Variants in SLC44A1 observed in about 807,000 individuals in gnomAD.
SLC44A1 encodes choline transporter-like protein 1.
SLC44A1 carries 26 observed loss-of-function variants against 79.3 expected under a neutral mutation model. The ratio of observed to expected loss-of-function variants is 0.33; its 90% CI spans 0.24 to 0.46. The LOEUF (loss-of-function observed/expected upper bound fraction) is 0.46, where lower values mean the gene tolerates loss of function less well. SLC44A1 is among the 20% of genes least tolerant of loss of function. The pLI is 1.00. For missense variants in SLC44A1, 688 were observed against 798.1 expected (o/e 0.86, Z 1.66); for synonymous variants, 263 against 286.2 (o/e 0.92, Z 0.82).
At chr9:105,374,829 T>A in intron 13 of SLC44A1, 94 bp downstream of exon 13, 2 of 949,782 alleles carry the variant, frequency 2.1e-6, no homozygotes, top group Non-Finnish European at 3.3e-6. Context: ...ACCAAAAAAC[T>A]AAAAGTAATA....
At chr9:105,325,445 A>C (rs1312539976) in intron 3 of SLC44A1, among the ~76,000 whole-genome samples, 1 of 152,184 alleles carries the variant, frequency 6.6e-6, no homozygotes, top group African/African-American at 2.4e-5. Flanking sequence ...TATTTCTTAT[A>C]ATTATGGAGG....
At chr9:105,410,399 C>T (rs527366742) in intron 15 of SLC44A1, among the ~76,000 whole-genome samples, 1 of 152,190 alleles carries the variant, frequency 6.6e-6, no homozygotes, top group Non-Finnish European at 1.5e-5. Context: ...AAATAAACAA[C>T]CCATAACGAG....
intron 13 of SLC44A1, among the ~76,000 whole-genome samples, chr9:105,380,536 C>G (rs943806369): frequency 6.6e-6 from 1 of 151,878 alleles, no homozygotes; most frequent in Non-Finnish European, 1.5e-5. Flanking sequence ...AGTTTGATCA[C>G]AGTTGTTCAA....
Position 105,396,889 on chromosome 9 carries a change from A to C in SLC44A1, c.*7833A>C. 1.0e-6 allele frequency: 1 copy of C among 985,244 alleles called. No homozygotes were observed. Among genetic ancestry groups the C allele is most frequent in the Non-Finnish European group, 1.2e-6 (1 of 829,824 alleles). 61.0% of individuals were successfully genotyped at this position (985,244 alleles called of 1,614,324 possible). On this transcript the variant is annotated 3_prime_UTR_variant, in exon 16 of 16. Coordinates refer to ENST00000374720, the MANE Select transcript of SLC44A1 (RefSeq NM_080546.5). ...TTATTTTGGATTTTTTTCTTATTAC[A>C]GTGTCACTACACTGTATTCATGTGG...
Position 105,281,692 on chromosome 9 carries a change from A to G in SLC44A1, c.37-17528A>G, listed in dbSNP as rs187076347. 1.1e-3 allele frequency among the ~76,000 whole-genome samples: 161 copies of G among 152,300 alleles called. 1 individual carries two copies. Among genetic ancestry groups the G allele is most frequent in the African/African-American group, 3.8e-3 (157 of 41,548 alleles). Reference sequence around the variant, plus strand: ...TACAGTGGATGACTACTAGCTGGTCATTTCGTAACCCAGGCTTACATGTGC... The same window carrying G: ...TACAGTGGATGACTACTAGCTGGTCGTTTCGTAACCCAGGCTTACATGTGC... On this transcript the variant is annotated intron_variant, in intron 1 of 15. Transcript: ENST00000374720.
At chr9:105,323,975 G>C (rs1318630609) in intron 3 of SLC44A1, among the ~76,000 whole-genome samples, 2 of 151,932 alleles carry the variant, frequency 1.3e-5, no homozygotes, top group East Asian at 3.9e-4. Flanking sequence ...TTTGACTCCT[G>C]TACTTTCTCC....
At chr9:105,253,271 CCAG>C (rs1829630537) in intron 1 of SLC44A1, among the ~76,000 whole-genome samples, 1 of 152,018 alleles carries the variant, frequency 6.6e-6, no homozygotes, top group African/African-American at 2.4e-5. Context: ...AGTAAAAAAA[CCAG>C]CAGGAAGATG....
At chr9:105,323,134 T>G (rs556139562) in intron 3 of SLC44A1, among the ~76,000 whole-genome samples, 47 of 147,756 alleles carry the variant, frequency 3.2e-4, no homozygotes, top group African/African-American at 1.1e-3. Flanking sequence ...GAGAATTGCT[T>G]GAACCCAGGA....
rs1020934020 is a variant in SLC44A1 at position 105,395,230 on chromosome 9, G to GT, written c.*6181dup. On this transcript the variant is annotated 3_prime_UTR_variant, in exon 16 of 16. Transcript: ENST00000374720. Reference sequence around the variant, plus strand: ...GGGGTTTTTTTTGTTTGTTTTTGGTGTTTTTTTGAGACGGAGTCTCGCTCT... The same window carrying GT: ...GGGGTTTTTTTTGTTTGTTTTTGGTGTTTTTTTTGAGACGGAGTCTCGCTCT... 20 of 972,760 alleles carry GT rather than the reference G, an allele frequency of 2.1e-5. No individual in the cohort carries two copies. The highest frequency in any genetic ancestry group is 2.3e-4 in the East Asian group (2 of 8,748). The allele number at this position is 972,760 out of a possible 1,614,324, so 60.3% of individuals were successfully genotyped here.
intron 15 of SLC44A1, among the ~76,000 whole-genome samples, chr9:105,419,138 A>C (rs10117788): frequency 0.017 from 2,519 of 152,298 alleles, 51 homozygotes; most frequent in African/African-American, 0.057. Context: ...TAGAGTTAGC[A>C]TAGAGACATA....
At chr9:105,314,076 T>C (rs1044151350) in intron 3 of SLC44A1, among the ~76,000 whole-genome samples, 10 of 152,266 alleles carry the variant, frequency 6.6e-5, no homozygotes, top group Admixed American at 5.9e-4. Context: ...ATTACTAATA[T>C]TGTTATTATT....
At position 105,396,030 on chromosome 9, in the gene SLC44A1, T is replaced by A; in HGVS notation, c.*6974T>A. ...TCCCCCATCCTCTAGGTTCCTGTAG[T>A]CTGTGCTCAGAACTTGGTTTTTGGC... On this transcript the variant is annotated 3_prime_UTR_variant, in exon 16 of 16. Transcript: ENST00000374720. The A allele has an allele frequency of 1.0e-6, 1 of 985,374 alleles. No homozygotes were observed. Among genetic ancestry groups the A allele is most frequent in the African/African-American group, 1.7e-5 (1 of 57,340 alleles). 61.0% of individuals were successfully genotyped at this position (985,374 alleles called of 1,614,324 possible).
intron 2 of SLC44A1, among the ~76,000 whole-genome samples, chr9:105,309,480 A>G (rs574683348): frequency 5.3e-5 from 8 of 152,306 alleles, no homozygotes; most frequent in Admixed American, 2.0e-4. Context: ...TATAAAATTC[A>G]AAGTTGACCT....
chr9:105,363,508 A>G (rs1827847345), intron 9 of SLC44A1, among the ~76,000 whole-genome samples: 1 of 150,528 alleles, frequency 6.6e-6, no homozygotes, highest in Non-Finnish European at 1.5e-5. Context: ...TCTGTCACAC[A>G]AACTGGAGTG....
At chr9:105,348,293 A>T in intron 4 of SLC44A1, 65 bp from the exon 5 acceptor site, 1 of 833,406 alleles carries the variant, frequency 1.2e-6, no homozygotes, top group Non-Finnish European at 2.0e-6. Context: ...ATACAAAATT[A>T]AAATGAATAG....
At chr9:105,403,568 T>C (rs1392247501) in intron 15 of SLC44A1, among the ~76,000 whole-genome samples, 2 of 150,704 alleles carry the variant, frequency 1.3e-5, no homozygotes, top group Non-Finnish European at 2.9e-5. Context: ...AATACCAGAA[T>C]AAGAGACCCA....
intron 1 of SLC44A1, among the ~76,000 whole-genome samples, chr9:105,245,984 TGTG>T (rs1054814977): frequency 1.3e-5 from 2 of 152,210 alleles, no homozygotes; most frequent in African/African-American, 4.8e-5. Flanking sequence ...CAAACTGTCT[TGTG>T]GTGGTGTATG....
chr9:105,351,123 T>C (rs969786047), intron 5 of SLC44A1, among the ~76,000 whole-genome samples: 11 of 152,144 alleles, frequency 7.2e-5, no homozygotes, highest in African/African-American at 2.7e-4. Flanking sequence ...AGAACAGCAA[T>C]AGTAGAAACA....
intron 3 of SLC44A1, among the ~76,000 whole-genome samples, chr9:105,335,096 T>C (rs560592879): frequency 6.6e-6 from 1 of 151,256 alleles, no homozygotes; most frequent in Non-Finnish European, 1.5e-5. Context: ...TAATATATAT[T>C]CATTTTTGGA....
Sources: gnomAD v4.1 joint callset for allele counts (sites outside exome capture counted in the v4.1 genomes callset) on GRCh38, gnomAD v4.1.1 for gene constraint, MANE v1.5 for transcripts, NCBI Gene and HGNC (gene_info 2026-07-23, HGNC 2026-07-21) for gene names.